The following CHD2 variants were observed in gnomAD, a reference collection of about 807,000 sequenced individuals.
CHD2 encodes chromodomain helicase DNA binding protein 2.
In CHD2, 28 loss-of-function variants were observed where a neutral mutation model predicts 243.9. That is an observed-to-expected ratio of 0.11 (90% confidence interval 0.09 to 0.16). The LOEUF is 0.16. Ranked by LOEUF, CHD2 falls within the 10% of genes least tolerant of loss-of-function variation. The pLI, the probability that CHD2 is intolerant of heterozygous loss-of-function variation, is 1.00. For synonymous variants in CHD2, 775 were observed against 779.0 expected, an observed-to-expected ratio of 0.99 and a Z score of 0.09; for missense variants, 1,386 against 2,209.8, an observed-to-expected ratio of 0.63 and a Z score of 7.47.
intron 2 of CHD2, among the ~76,000 whole-genome samples, chr15:92,920,036 A>C (rs949414502): frequency 6.6e-6 from 1 of 152,188 alleles, no homozygotes; most frequent in Non-Finnish European, 1.5e-5. Context: ...TAATCCATGG[A>C]ACTCACAAGT....
intron 20 of CHD2, among the ~76,000 whole-genome samples, chr15:92,976,252 T>C (rs1470461120): frequency 2.0e-5 from 3 of 152,224 alleles, no homozygotes; most frequent in African/African-American, 7.2e-5. Context: ...GATGGCTATA[T>C]AGAACACAAG....
intron 14 of CHD2, 53 bp downstream of exon 14, chr15:92,953,626 A>G: frequency 6.5e-7 from 1 of 1,531,516 alleles, no homozygotes; most frequent in Non-Finnish European, 9.0e-7. Flanking sequence ...TGTAATTTAG[A>G]AATTCACTTA....
chr15:92,901,184 G>C lies in CHD2; in HGVS notation c.-54G>C. The C allele has an allele frequency of 9.6e-7, 1 of 1,038,100 alleles. No individual in the cohort carries two copies. The highest frequency in any genetic ancestry group is 1.8e-5 in the Admixed American group (1 of 55,588). 64.3% of individuals were successfully genotyped at this position (1,038,100 alleles called of 1,614,324 possible). A position where few individuals can be genotyped will look rare whatever the true frequency, so the allele number is the denominator to read the frequency against. ...TTTGACAGTAAATACCTGGGCACAG[G>C]ACTTCAAAGCAAACACAGATTCCCC... On this transcript the variant is annotated 5_prime_UTR_variant, in exon 2 of 39. Coordinates refer to ENST00000394196, the MANE Select transcript of CHD2 (RefSeq NM_001271.4).
At chr15:93,006,745 C>T (rs938418266) in intron 34 of CHD2, among the ~76,000 whole-genome samples, 2 of 152,198 alleles carry the variant, frequency 1.3e-5, no homozygotes, top group Non-Finnish European at 2.9e-5. Flanking sequence ...CATTGTCCTA[C>T]GTAGCCTCCC....
At chr15:92,938,366 T>C (rs2053300750) in intron 6 of CHD2, among the ~76,000 whole-genome samples, 1 of 152,256 alleles carries the variant, frequency 6.6e-6, no homozygotes, top group Non-Finnish European at 1.5e-5. Context: ...TATTTCATTT[T>C]GAATTATTTA....
intron 10 of CHD2, 133 bp from the exon 11 acceptor site, chr15:92,945,688 A>G (rs1178248019): frequency 2.2e-5 from 12 of 549,388 alleles, no homozygotes; most frequent in Middle Eastern, 5.2e-4. Context: ...GTGAGCCACT[A>G]TAATCCCATT....
chr15:92,958,234 GT>G (rs1337212195), intron 16 of CHD2, among the ~76,000 whole-genome samples: 2 of 152,162 alleles, frequency 1.3e-5, no homozygotes, highest in Non-Finnish European at 2.9e-5. Flanking sequence ...ATGTTTGAAG[GT>G]TCTAGTTTCC....
chr15:93,012,311 A>G lies in CHD2; in HGVS notation c.4593-34A>G, dbSNP rs117430127. 12,111 of 1,481,622 alleles carry G rather than the reference A, an allele frequency of 8.2e-3. 64 individuals are homozygous for G. Among genetic ancestry groups the G allele is most frequent in the Non-Finnish European group, 9.1e-3 (9,930 of 1,086,790 alleles). The allele number at this position is 1,481,622 out of a possible 1,614,324, so 91.8% of individuals were successfully genotyped here. On this transcript the variant is annotated intron_variant, in intron 35 of 38. Coordinates refer to ENST00000394196, the MANE Select transcript of CHD2 (RefSeq NM_001271.4). ...CATAAAAAATTGCTTTTCTAATTCT[A>G]TAATTCACCAGAACTGTTCATTTTT...
At chr15:92,958,432 A>C (rs1254745136) in intron 16 of CHD2, among the ~76,000 whole-genome samples, 1 of 152,166 alleles carries the variant, frequency 6.6e-6, no homozygotes, top group East Asian at 1.9e-4. Flanking sequence ...TGGCATTTTA[A>C]CTCAGGCGTC....
At chr15:92,952,929 C>T (rs1457065008) in intron 13 of CHD2, among the ~76,000 whole-genome samples, 1 of 152,226 alleles carries the variant, frequency 6.6e-6, no homozygotes, top group Non-Finnish European at 1.5e-5. Context: ...CATTAAACAA[C>T]CCAGTGGCCT....
intron 14 of CHD2, 113 bp downstream of exon 14, chr15:92,953,686 G>C: frequency 1.1e-6 from 1 of 939,512 alleles, no homozygotes; most frequent in Non-Finnish European, 1.6e-6. Flanking sequence ...TTCTGATACT[G>C]TGCTGTGTTC....
At position 92,997,118 on chromosome 15, in the gene CHD2, C is replaced by T; in HGVS notation, c.3734+23C>T. The T allele has an allele frequency of 6.2e-7, 1 of 1,606,254 alleles. No individual in the cohort carries two copies. Among genetic ancestry groups the T allele is most frequent in the Non-Finnish European group, 8.5e-7 (1 of 1,177,620 alleles). ...AAAGTGAGTATATTTTGTGTACATG[C>T]TTAGATGGTCGTACCGTAAGAAAAT... On this transcript the variant is annotated intron_variant, in intron 29 of 38. Transcript: ENST00000394196. This position sits in a 1 kb window ranked among gnomAD's most constrained non-coding sequence, Gnocchi z 4.1.
At chr15:93,000,741 G>A (rs1238423710) in intron 32 of CHD2, 101 bp downstream of exon 32, 8 of 1,252,298 alleles carry the variant, frequency 6.4e-6, no homozygotes, top group Non-Finnish European at 7.6e-6. Context: ...GTTTACGAGT[G>A]GATTAAATGG....
chr15:92,983,042 C>T (rs1276985061), intron 24 of CHD2, among the ~76,000 whole-genome samples: 1 of 152,168 alleles, frequency 6.6e-6, no homozygotes, highest in South Asian at 2.1e-4. Context: ...CTTATCTTCC[C>T]ATGGTAGAGA....
intron 33 of CHD2, among the ~76,000 whole-genome samples, chr15:93,003,278 C>A (rs1487098300): frequency 8.1e-6 from 1 of 123,424 alleles, no homozygotes; most frequent in African/African-American, 2.8e-5. Flanking sequence ...CAGAGGAAGA[C>A]CTTGTCTCAA....
At position 92,984,541 on chromosome 15, in the gene CHD2, T is replaced by TTG. The variant is rs775121625; in HGVS notation, c.3237+44_3237+45dup. The TTG allele has an allele frequency of 9.6e-6, 15 of 1,555,068 alleles. No homozygotes were observed. In the African/African-American group the frequency reaches 2.1e-4, roughly 21 times the overall value. On this transcript the variant is annotated intron_variant, in intron 25 of 38. Transcript: ENST00000394196. Reference sequence around the variant, plus strand: ...GAAAGATATGAAATTATTTCTTATGTTGTGAATGCTACAGAAGTGTTGATT... The same window carrying TTG: ...GAAAGATATGAAATTATTTCTTATGTTGTGTGAATGCTACAGAAGTGTTGATT...
chr15:93,019,504 GAAGA>G (rs1438291762), intron 37 of CHD2, among the ~76,000 whole-genome samples: 2 of 152,184 alleles, frequency 1.3e-5, no homozygotes, highest in Admixed American at 6.5e-5. Flanking sequence ...ACAAGACCAA[GAAGA>G]AAGAAATTTA....
rs34215273 is a variant in CHD2, at chr15:92,931,863, CTTTTTTTT to C, written c.443+2783_443+2790del. 2.9e-3 allele frequency among the ~76,000 whole-genome samples: 384 copies of C among 134,480 alleles called. 1 individual carries two copies. Among genetic ancestry groups the C allele is most frequent in the Middle Eastern group, 0.027 (7 of 258 alleles). The allele number at this position is 134,480 out of a possible 152,430, so 88.2% of individuals were successfully genotyped here. A position where few individuals can be genotyped will look rare whatever the true frequency, so the allele number is the denominator to read the frequency against. ...TTAGATTTAAAACATTGCTGACGTA[CTTTTTTTT>C]TTTTTTTTTTGAGACGCAGTCTGGC... On this transcript the variant is annotated intron_variant, in intron 5 of 38. Transcript: ENST00000394196.
At chr15:93,017,227 C>T (rs2054472891) in intron 37 of CHD2, among the ~76,000 whole-genome samples, 1 of 152,180 alleles carries the variant, frequency 6.6e-6, no homozygotes, top group African/African-American at 2.4e-5. Flanking sequence ...TCAGTGGTGA[C>T]AGAAGTCATC....
Sources: allele counts gnomAD v4.1 joint callset (sites outside exome capture counted in the v4.1 genomes callset), GRCh38; gene constraint gnomAD v4.1.1; non-coding constraint Gnocchi (gnomAD v3.1); transcripts MANE v1.5; gene names NCBI Gene and HGNC (gene_info 2026-07-23, HGNC 2026-07-21).